Variants in LRBA observed in about 807,000 individuals in gnomAD.
The protein encoded by LRBA is LPS responsive beige-like anchor protein, also known as lipopolysaccharide-responsive and beige-like anchor protein.
LRBA carries 176 observed loss-of-function variants against 330.0 expected under a neutral mutation model. The ratio of observed to expected loss-of-function variants is 0.53; its 90% CI spans 0.47 to 0.60. The LOEUF is 0.60. LRBA is among the 20% of genes least tolerant of loss of function. LRBA has a pLI of 0.00. For synonymous variants in LRBA, 1,230 were observed against 1,193.0 expected (o/e 1.03, Z -0.64); for missense variants, 3,259 against 3,444.8 (o/e 0.95, Z 1.35).
At position 150,277,871 on chromosome 4, in the gene LRBA, G is replaced by T. The variant is rs142943481; in HGVS notation, c.8450C>A (p.Ala2817Glu). The T allele has an allele frequency of 6.2e-7, 1 of 1,613,920 alleles. No individual in the cohort carries two copies. The highest frequency in any genetic ancestry group is 1.3e-5 in the African/African-American group (1 of 74,880). Reference protein sequence around the residue: ...PGCDAGIRAMALSYDQRCIIS... With the variant: ...PGCDAGIRAMELSYDQRCIIS... ...GTGTTACCTCTGGTCGTAAGACAGC[G>T]CCATGGCCCGGATTCCAGCGTCACA... The change falls in exon 56 of 57, where the codon GCG becomes GAG. Residue 2817 changes from alanine (A) to glutamate (E), a missense_variant. Coordinates refer to ENST00000651943, the MANE Select transcript of LRBA (RefSeq NM_001364905.1).
At chr4:150,642,487 A>G (rs1316997911) in intron 37 of LRBA, among the ~76,000 whole-genome samples, 1 of 151,928 alleles carries the variant, frequency 6.6e-6, no homozygotes, top group African/African-American at 2.4e-5. Context: ...TGTAATAGAC[A>G]TAATAGCTGT....
intron 40 of LRBA, among the ~76,000 whole-genome samples, chr4:150,578,600 C>G (rs934364379): frequency 6.6e-6 from 1 of 152,026 alleles, no homozygotes; most frequent in African/African-American, 2.4e-5. Context: ...AAACTAGTAC[C>G]GTAATTACTA....
chr4:150,921,215 G>GA lies in LRBA; in HGVS notation c.627dup (p.Pro210SerfsTer29). ...TTACTTACTGCAGCACTCTTTCCTG[G>GA]AAAGTTAAAAAAGGCATCAGGACCA... is the stretch of plus-strand genomic sequence containing the variant. On this transcript the variant is annotated frameshift_variant, in exon 5 of 57. Transcript: ENST00000651943. LOFTEE classifies it high-confidence loss of function. 1 of 1,610,270 alleles carries GA rather than the reference G, an allele frequency of 6.2e-7. No homozygotes were observed. The highest frequency in any genetic ancestry group is 8.5e-7 in the Non-Finnish European group (1 of 1,176,698).
At chr4:150,676,074 T>G (rs531262005) in intron 37 of LRBA, among the ~76,000 whole-genome samples, 1 of 152,212 alleles carries the variant, frequency 6.6e-6, no homozygotes, top group Non-Finnish European at 1.5e-5. Flanking sequence ...TTCTTCTCAC[T>G]TGCAATTTGT....
At chr4:150,288,181 C>T (rs1040212940) in intron 53 of LRBA, among the ~76,000 whole-genome samples, 1 of 151,532 alleles carries the variant, frequency 6.6e-6, no homozygotes, top group African/African-American at 2.4e-5. Flanking sequence ...TTAGTAGAGA[C>T]GGGGTTTCAC....
intron 47 of LRBA, among the ~76,000 whole-genome samples, chr4:150,364,921 TATATCATAATAAA>T (rs1739227548): frequency 6.6e-6 from 1 of 151,854 alleles, no homozygotes; most frequent in South Asian, 2.1e-4. Context: ...TATAATATTT[TATATCATAATAAA>T]ATATCATAAA....
At chr4:150,387,681 G>A (rs953170678) in intron 47 of LRBA, among the ~76,000 whole-genome samples, 2 of 152,172 alleles carry the variant, frequency 1.3e-5, no homozygotes, top group South Asian at 2.1e-4. Context: ...TTCAAGGGGT[G>A]AGGAGGGGGT....
chr4:150,749,998 C>T (rs554015816), intron 35 of LRBA, among the ~76,000 whole-genome samples: 2 of 152,306 alleles, frequency 1.3e-5, no homozygotes, highest in African/African-American at 4.8e-5. Context: ...ATACTATTCA[C>T]TCCTTATGGC....
intron 28 of LRBA, among the ~76,000 whole-genome samples, chr4:150,835,319 T>C (rs569467574): frequency 6.6e-6 from 1 of 152,336 alleles, no homozygotes; most frequent in East Asian, 1.9e-4. Context: ...AACTTTAAAG[T>C]AGTTTTATCC....
At chr4:150,534,276 CT>C (rs1478290663) in intron 40 of LRBA, among the ~76,000 whole-genome samples, 1 of 149,964 alleles carries the variant, frequency 6.7e-6, no homozygotes, top group Non-Finnish European at 1.5e-5. Flanking sequence ...ACATTTAAGA[CT>C]TTTTAGTTGT....
Position 150,337,373 on chromosome 4 carries a change from T to G in LRBA, c.7363-11475A>C, listed in dbSNP as rs373243166. On this transcript the variant is annotated intron_variant, in intron 48 of 56. Transcript: ENST00000651943. ...CATGTCCTTGAGTGTATAATTTAGT[T>G]ACACCTAACTTAACTAGTAAGTCTG... is the stretch of plus-strand genomic sequence containing the variant. Among the ~76,000 whole-genome samples, 8 of 152,172 alleles carry G rather than the reference T, an allele frequency of 5.3e-5. 1 individual carries two copies. Among genetic ancestry groups the G allele is most frequent in the African/African-American group, 9.7e-5 (4 of 41,446 alleles).
intron 34 of LRBA, among the ~76,000 whole-genome samples, chr4:150,787,108 T>C (rs1739189053): frequency 6.6e-6 from 1 of 151,878 alleles, no homozygotes; most frequent in African/African-American, 2.4e-5. Flanking sequence ...GGTGGGTGCC[T>C]GTAATCCCAG....
intron 40 of LRBA, among the ~76,000 whole-genome samples, chr4:150,565,054 C>T (rs1403272703): frequency 3.9e-5 from 6 of 152,090 alleles, no homozygotes; most frequent in African/African-American, 1.4e-4. Context: ...AAGACACATG[C>T]ACATGTATGT....
Position 150,310,400 on chromosome 4 carries a change from G to A in LRBA, c.7694-16C>T. The A allele has an allele frequency of 6.2e-7, 1 of 1,602,726 alleles. No homozygotes were observed. Among genetic ancestry groups the A allele is most frequent in the Non-Finnish European group, 8.5e-7 (1 of 1,172,434 alleles). On this transcript the variant is annotated splice_polypyrimidine_tract_variant and intron_variant, in intron 51 of 56. Coordinates refer to ENST00000651943, the MANE Select transcript of LRBA (RefSeq NM_001364905.1). ...GTATTGCTGGCTGTAAGAATAGGGA[G>A]GAAAAACAACTATTAAATCCACATG...
chr4:150,721,371 T>C, intron 36 of LRBA: 1 of 293,020 alleles, frequency 3.4e-6, no homozygotes. Context: ...AGAAGAATTT[T>C]CATTGTCCAA....
chr4:150,609,420 T>C (rs777258071), intron 37 of LRBA, among the ~76,000 whole-genome samples: 8 of 152,288 alleles, frequency 5.3e-5, no homozygotes, highest in Admixed American at 4.6e-4. Flanking sequence ...AGATTGGAAA[T>C]AGTTTATACA....
At chr4:150,436,700 G>T in intron 45 of LRBA, 24 bp downstream of exon 45, 2 of 1,593,572 alleles carry the variant, frequency 1.3e-6, no homozygotes, top group Non-Finnish European at 1.7e-6. Flanking sequence ...TTTAGCCATG[G>T]TGTATTATTC....
intron 53 of LRBA, among the ~76,000 whole-genome samples, chr4:150,288,014 C>A (rs186600617): frequency 6.8e-6 from 1 of 147,008 alleles, no homozygotes. Context: ...TTTTCTGAGA[C>A]GGAGTCTCAC....
intron 37 of LRBA, among the ~76,000 whole-genome samples, chr4:150,666,532 G>A (rs1338777685): frequency 6.6e-6 from 1 of 151,844 alleles, no homozygotes; most frequent in Non-Finnish European, 1.5e-5. Flanking sequence ...AAAAAAAAAT[G>A]CAAAATTTAA....
Sources: gnomAD v4.1 joint callset for allele counts (sites outside exome capture counted in the v4.1 genomes callset) on GRCh38, gnomAD v4.1.1 for gene constraint, MANE v1.5 for transcripts, NCBI Gene and HGNC (gene_info 2026-07-23, HGNC 2026-07-21) for gene names.